Variants in DNAJC13 observed in about 807,000 individuals in gnomAD.
DNAJC13 encodes the protein DnaJ heat shock protein family (Hsp40) member C13.
In DNAJC13, 75 loss-of-function variants were observed where a neutral mutation model predicts 290.5. The ratio of observed to expected loss-of-function variants is 0.26; its 90% CI spans 0.21 to 0.31. The LOEUF (loss-of-function observed/expected upper bound fraction) is 0.31, where lower values mean the gene tolerates loss of function less well. Among genes scored for constraint, DNAJC13 ranks in the 10% least tolerant of loss-of-function variants. The pLI, the probability that DNAJC13 is intolerant of heterozygous loss-of-function variation, is 1.00. For synonymous variants in DNAJC13, 862 were observed against 892.0 expected, an observed-to-expected ratio of 0.97 and a Z score of 0.60; for missense variants, 2,260 against 2,674.5, an observed-to-expected ratio of 0.85 and a Z score of 3.42.
chr3:132,476,286 C>T (rs1256061929), intron 22 of DNAJC13, among the ~76,000 whole-genome samples: 3 of 152,112 alleles, frequency 2.0e-5, no homozygotes, highest in Non-Finnish European at 2.9e-5. Flanking sequence ...TTGTTCTTCC[C>T]GAGCCTACTT....
At chr3:132,427,204 T>C in intron 1 of DNAJC13, among the ~76,000 whole-genome samples, 1 of 150,546 alleles carries the variant, frequency 6.6e-6, no homozygotes, top group East Asian at 1.9e-4. Context: ...AGATGAGGGC[T>C]CGCTCACTGC....
chr3:132,463,032 G>A (rs979499567), intron 16 of DNAJC13, among the ~76,000 whole-genome samples: 2 of 152,120 alleles, frequency 1.3e-5, no homozygotes, highest in Non-Finnish European at 2.9e-5. Context: ...TTTTTAAAAG[G>A]TTGTAGCTAT....
intron 55 of DNAJC13, 33 bp from the exon 56 acceptor site, chr3:132,538,143 C>T: frequency 6.3e-7 from 1 of 1,578,246 alleles, no homozygotes; most frequent in Non-Finnish European, 8.7e-7. Flanking sequence ...TGACTGCTTT[C>T]TAGAGGTGTG....
In DNAJC13 at chr3:132,538,221, T is replaced by C. The variant is rs149879221; in HGVS notation, c.6671T>C (p.Val2224Ala). The C allele has an allele frequency of 1.9e-6, 3 of 1,613,960 alleles. No homozygotes were observed. Among genetic ancestry groups the C allele is most frequent in the East Asian group, 4.5e-5 (2 of 44,872 alleles). Residue 2224 changes from valine (V) to alanine (A), a missense_variant, in exon 56 of 56, where the codon GTC becomes GCC. Coordinates refer to ENST00000260818, the MANE Select transcript of DNAJC13 (RefSeq NM_015268.4). ...CTTACCGCAGGTACATCTACATCAGTCATGTCTAACCTGCCACCTCCTGTA... is the reference window on the plus strand; with the variant it reads ...CTTACCGCAGGTACATCTACATCAGCCATGTCTAACCTGCCACCTCCTGTA... ...GYLTAGTSTS[V>A]MSNLPPPVDH...
chr3:132,521,043 A>G (rs190957183), intron 48 of DNAJC13, among the ~76,000 whole-genome samples: 2 of 152,316 alleles, frequency 1.3e-5, no homozygotes, highest in Admixed American at 1.3e-4. Context: ...ATGTAGAATG[A>G]TTACAACAGT....
intron 25 of DNAJC13, 105 bp from the exon 26 acceptor site, chr3:132,480,264 C>T (rs1211565030): frequency 2.5e-5 from 15 of 604,984 alleles, no homozygotes; most frequent in South Asian, 1.4e-4. Flanking sequence ...TTCTTTTCTT[C>T]GAGGACCTTG....
At chr3:132,485,953 A>G (rs1400784147) in intron 29 of DNAJC13, among the ~76,000 whole-genome samples, 1 of 152,140 alleles carries the variant, frequency 6.6e-6, no homozygotes. Context: ...TTTCAGTTGT[A>G]CATTGGTCTG....
Position 132,484,015 on chromosome 3 carries a change from G to C in DNAJC13, c.3182+438G>C, listed in dbSNP as rs116106896. Among the ~76,000 whole-genome samples the C allele has an allele frequency of 3.0e-3, 450 of 152,242 alleles. 1 individual carries two copies. The highest frequency in any genetic ancestry group is 0.01 in the African/African-American group (433 of 41,550). On this transcript the variant is annotated intron_variant, in intron 28 of 55. Coordinates refer to ENST00000260818, the MANE Select transcript of DNAJC13 (RefSeq NM_015268.4). ...TCTCCAAGTCATAAGGATAACACTTGCATGTAACTTTTTAATCTTTATGAA... is the reference window on the plus strand; with the variant it reads ...TCTCCAAGTCATAAGGATAACACTTCCATGTAACTTTTTAATCTTTATGAA...
chr3:132,439,430 G>T (rs1275862998), intron 2 of DNAJC13, among the ~76,000 whole-genome samples: 8 of 149,130 alleles, frequency 5.4e-5, no homozygotes, highest in South Asian at 4.3e-4. Context: ...ATACTGAGGG[G>T]TTTTTTTTGT....
intron 24 of DNAJC13, among the ~76,000 whole-genome samples, chr3:132,478,855 T>G (rs574055619): frequency 6.6e-6 from 1 of 152,350 alleles, no homozygotes; most frequent in South Asian, 2.1e-4. Context: ...GCTGCCTGTT[T>G]GTTGCAGTGT....
In DNAJC13 at chr3:132,446,458, C is replaced by A; in HGVS notation, c.69-17C>A. 1 of 1,585,114 alleles carries A rather than the reference C, an allele frequency of 6.3e-7. No homozygotes were observed. The highest frequency in any genetic ancestry group is 8.6e-7 in the Non-Finnish European group (1 of 1,166,352). ...TTTTGTTTAAAACTAAATTTAAGCA[C>A]TTGTTTTCCTTTGTAGGTATAAGCG... On this transcript the variant is annotated splice_polypyrimidine_tract_variant and intron_variant, in intron 2 of 55. Transcript: ENST00000260818.
At chr3:132,484,726 T>C in intron 29 of DNAJC13, 54 bp downstream of exon 29, 1 of 1,459,070 alleles carries the variant, frequency 6.9e-7, no homozygotes, top group African/African-American at 1.4e-5. Flanking sequence ...TCTCTGAATT[T>C]TATTATCAGT....
At chr3:132,494,017 A>G (rs1282600194) in intron 33 of DNAJC13, 127 bp from the exon 34 acceptor site, 5 of 673,586 alleles carry the variant, frequency 7.4e-6, no homozygotes, top group African/African-American at 1.8e-5. Flanking sequence ...TTTGTATTTC[A>G]GAAAGCTGTT....
At chr3:132,423,845 C>T (rs550807066) in intron 1 of DNAJC13, among the ~76,000 whole-genome samples, 1 of 152,182 alleles carries the variant, frequency 6.6e-6, no homozygotes, top group South Asian at 2.1e-4. Context: ...AATTTAGTCC[C>T]GCATTATGCA....
intron 17 of DNAJC13, 53 bp downstream of exon 17, chr3:132,463,870 A>C (rs1933891491): frequency 2.5e-6 from 4 of 1,569,066 alleles, no homozygotes; most frequent in Non-Finnish European, 3.5e-6. Flanking sequence ...TAGAGAATTG[A>C]TTCAGATGTT....
chr3:132,418,849 G>A (rs1938875217), intron 1 of DNAJC13, among the ~76,000 whole-genome samples: 1 of 152,146 alleles, frequency 6.6e-6, no homozygotes, highest in Non-Finnish European at 1.5e-5. Flanking sequence ...AAATTACAGT[G>A]ATAAGGTTTT....
In DNAJC13 at chr3:132,511,167, C is replaced by T. The variant is rs1469169491; in HGVS notation, c.5216C>T (p.Ser1739Leu). 6.2e-7 allele frequency: 1 copy of T among 1,613,908 alleles called. No individual in the cohort carries two copies. Among genetic ancestry groups the T allele is most frequent in the Admixed American group, 1.7e-5 (1 of 59,974 alleles). The change falls in exon 44 of 56, where the codon TCA (serine) becomes TTA (leucine). Residue 1739 changes from serine (S) to leucine (L), a missense_variant. By Grantham distance (145) the Ser-to-Leu change is moderately radical. Transcript: ENST00000260818. The part of the protein sequence containing the change: ...MAITHAAKVE[S>L]EQHGDRLPRV... ...ATCACACACGCGGCAAAAGTGGAGT[C>T]AGAGCAACATGGAGATCGCTTACCG... is the stretch of plus-strand genomic sequence containing the variant.
intron 38 of DNAJC13, among the ~76,000 whole-genome samples, chr3:132,500,409 G>A (rs1280435217): frequency 6.6e-6 from 1 of 152,102 alleles, no homozygotes; most frequent in East Asian, 1.9e-4. Context: ...TAATCCAGAG[G>A]CCAGCAAACT....
intron 20 of DNAJC13, 82 bp from the exon 21 acceptor site, chr3:132,473,063 A>G (rs1934338258): frequency 2.3e-6 from 2 of 868,346 alleles, no homozygotes; most frequent in East Asian, 5.2e-5. Flanking sequence ...AATGTTTCTC[A>G]TCACGTATAA....
Sources: allele counts gnomAD v4.1 joint callset (sites outside exome capture counted in the v4.1 genomes callset), GRCh38; gene constraint gnomAD v4.1.1; transcripts MANE v1.5; gene names NCBI Gene and HGNC (gene_info 2026-07-23, HGNC 2026-07-21).